Variants in ZNF208 observed in about 807,000 individuals in gnomAD.
The protein encoded by ZNF208 is zinc finger protein 208, also known as zinc finger protein 95.
ZNF208 carries 10 observed loss-of-function variants against 12.1 expected under a neutral mutation model. The ratio of observed to expected loss-of-function variants is 0.83; its 90% CI spans 0.51 to 1.40. ZNF208 has a LOEUF of 1.40. Ranked by LOEUF, ZNF208 falls within the 40% of genes most tolerant of loss-of-function variation. The pLI is 0.00. For missense variants in ZNF208, 1,652 were observed against 1,485.0 expected (o/e 1.11, Z -1.85); for synonymous variants, 497 against 488.4 (o/e 1.02, Z -0.23).
chr19:21,944,073 T>C (rs2145510043), intron 4 of ZNF208, among the ~76,000 whole-genome samples: 1 of 152,324 alleles, frequency 6.6e-6, no homozygotes, highest in South Asian at 2.1e-4. Flanking sequence ...ATGAATTTCA[T>C]TAAATGCTGT....
intron 4 of ZNF208, among the ~76,000 whole-genome samples, chr19:21,950,557 A>G (rs1387386105): frequency 6.6e-6 from 1 of 150,786 alleles, no homozygotes. Context: ...GCAACAGCAC[A>G]ATCGTGGCTC....
chr19:21,954,611 T>C (rs1372626638), intron 4 of ZNF208, among the ~76,000 whole-genome samples: 2 of 152,226 alleles, frequency 1.3e-5, no homozygotes, highest in African/African-American at 4.8e-5. Flanking sequence ...TCTCTTTTGA[T>C]CTTTGTTGGT....
intron 3 of ZNF208, among the ~76,000 whole-genome samples, chr19:21,979,240 G>A (rs1970490414): frequency 6.6e-6 from 1 of 152,096 alleles, no homozygotes; most frequent in African/African-American, 2.4e-5. Flanking sequence ...CCACAAAGAT[G>A]CTCCTCGAGA....
At chr19:21,956,690 C>T (rs1394095693) in intron 4 of ZNF208, among the ~76,000 whole-genome samples, 2 of 152,188 alleles carry the variant, frequency 1.3e-5, no homozygotes, top group African/African-American at 2.4e-5. Context: ...ATTGGAAAAG[C>T]ACAATGTTAG....
rs1231974192 is a variant in ZNF208 at position 21,969,611 on chromosome 19, T to G, written c.*1580A>C. 2.0e-5 allele frequency among the ~76,000 whole-genome samples: 3 copies of G among 152,188 alleles called. No individual in the cohort carries two copies. The highest frequency in any genetic ancestry group is 4.4e-5 in the Non-Finnish European group (3 of 68,036). On this transcript the variant is annotated 3_prime_UTR_variant, in exon 4 of 4. Coordinates refer to ENST00000397126, the MANE Select transcript of ZNF208 (RefSeq NM_007153.3). ...TTGAAAAAATGTTTTTCCAAATTTA[T>G]TAAATTTGCAGGGTTATTCTTCAAT... is the stretch of plus-strand genomic sequence containing the variant.
At chr19:22,010,109 C>T (rs903740147) in intron 1 of ZNF208, among the ~76,000 whole-genome samples, 1 of 150,968 alleles carries the variant, frequency 6.6e-6, no homozygotes, top group Non-Finnish European at 1.5e-5. Flanking sequence ...GGCGTCAACC[C>T]GGGAGGCGGA....
Position 22,005,179 on chromosome 19 carries a change from T to C in ZNF208, c.3+5613A>G, listed in dbSNP as rs918622814. On this transcript the variant is annotated intron_variant, in intron 1 of 3. Coordinates refer to ENST00000397126, the MANE Select transcript of ZNF208 (RefSeq NM_007153.3). ...CCAAAAAAACCACTAGGATCAAAAA[T>C]GCTGTGGTAAAATTCCTGAGGGTGG... is the stretch of plus-strand genomic sequence containing the variant. Among the ~76,000 whole-genome samples, 5 of 152,286 alleles carry C rather than the reference T, an allele frequency of 3.3e-5. No individual in the cohort carries two copies. The South Asian group carries it at 1.0e-3, about 32-fold the overall frequency.
Position 21,974,030 on chromosome 19 carries a change from TGAATTG to T in ZNF208, c.998_1003del (p.Ala333_His335delinsAsp). The T allele has an allele frequency of 7.3e-7, 1 of 1,368,384 alleles. No individual in the cohort carries two copies. The highest frequency in any genetic ancestry group is 1.6e-5 in the South Asian group (1 of 63,304). 84.8% of individuals were successfully genotyped at this position (1,368,384 alleles called of 1,614,324 possible). ...ACATTTGTAGGGCTTCTCTCCAGCA[TGAATTG>T]CCTTATGTGTAATAAGGGTTGAGAC... is the stretch of plus-strand genomic sequence containing the variant. On this transcript the variant is annotated inframe_deletion, in exon 4 of 4. Coordinates refer to ENST00000397126, the MANE Select transcript of ZNF208 (RefSeq NM_007153.3).
In ZNF208 at chr19:21,974,491, T is replaced by C. The variant is rs1240867187; in HGVS notation, c.543A>G (p.Ser181=). ...KHLQCKEYVR[S]FCMLSHLSQH... ...GAGATAGGTGTGAAAGCATGCAAAA[T>C]GATCTGACGTATTCTTTACATTGCA... The change falls in exon 4 of 4, where the codon TCA becomes TCG. Residue 181 remains serine (S), a synonymous_variant. Transcript: ENST00000397126. The C allele has an allele frequency of 8.7e-6, 14 of 1,613,714 alleles. No homozygotes were observed. The highest frequency in any genetic ancestry group is 1.1e-5 in the Non-Finnish European group (13 of 1,179,726).
At chr19:21,999,055 T>A (rs968466924) in intron 1 of ZNF208, among the ~76,000 whole-genome samples, 12 of 26,568 alleles carry the variant, frequency 4.5e-4, no homozygotes, top group East Asian at 3.9e-3. Context: ...ATAGCATAAT[T>A]TTATGCTATA....
Position 21,973,699 on chromosome 19 carries a change from T to A in ZNF208, c.1335A>T (p.Lys445Asn), listed in dbSNP as rs1356148011. ...TGTAGGGTGTCTCTCCAGTGTGAATTTTCTTATGTTCCATAAGGTTTGAGG... is the reference window on the plus strand; with the variant it reads ...TGTAGGGTGTCTCTCCAGTGTGAATATTCTTATGTTCCATAAGGTTTGAGG... Reference protein sequence around the residue: ...NWSSNLMEHKKIHTGETPYKC... With the variant: ...NWSSNLMEHKNIHTGETPYKC... Residue 445 changes from lysine to asparagine, a missense_variant, in exon 4 of 4, where the codon AAA becomes AAT. Physicochemically the swap from Lys to Asn is moderately conservative, Grantham distance 94. Around this residue, in one of 3 missense-constraint regions of ZNF208, gnomAD observed 1,239 missense variants for 1,086.2 expected, o/e 1.14. Transcript: ENST00000397126. 6.4e-7 allele frequency: 1 copy of A among 1,571,988 alleles called. No individual in the cohort carries two copies. Among genetic ancestry groups the A allele is most frequent in the South Asian group, 1.1e-5 (1 of 90,334 alleles).
intron 4 of ZNF208, among the ~76,000 whole-genome samples, chr19:21,949,485 G>A (rs938343920): frequency 2.6e-5 from 4 of 151,956 alleles, no homozygotes; most frequent in African/African-American, 7.3e-5. Flanking sequence ...ACTGGTTTTT[G>A]CAAACTCTGG....
At chr19:21,958,645 A>G (rs1970016092) in intron 4 of ZNF208, among the ~76,000 whole-genome samples, 1 of 152,156 alleles carries the variant, frequency 6.6e-6, no homozygotes, top group Non-Finnish European at 1.5e-5. Flanking sequence ...TTTCCCTAAA[A>G]ACTATCAAGC....
At chr19:22,010,417 A>G (rs1222258708) in intron 1 of ZNF208, among the ~76,000 whole-genome samples, 1 of 152,200 alleles carries the variant, frequency 6.6e-6, no homozygotes, top group African/African-American at 2.4e-5. Context: ...AGGAGAAAAC[A>G]GGAACTGGGA....
intron 4 of ZNF208, among the ~76,000 whole-genome samples, chr19:21,949,356 T>C (rs186995765): frequency 6.6e-5 from 10 of 152,290 alleles, no homozygotes; most frequent in Admixed American, 3.9e-4. Context: ...CTCAGCTCTG[T>C]CAAACTGCAG....
Position 21,971,305 on chromosome 19 carries a change from A to G in ZNF208, c.3729T>C (p.His1243=), listed in dbSNP as rs757124850. The G allele has an allele frequency of 2.5e-6, 4 of 1,611,378 alleles. No individual in the cohort carries two copies. The African/African-American group carries it at 5.4e-5, about 22-fold the overall frequency. Residue 1243 remains histidine, a synonymous_variant, in exon 4 of 4, where the codon CAT becomes CAC. Coordinates refer to ENST00000397126, the MANE Select transcript of ZNF208 (RefSeq NM_007153.3). ...AFSTFSILTK[H]KVIHTGEKPY... is the part of the protein sequence containing the mutation. ...GTTTCTCTCCAGTATGAATTACCTT[A>G]TGTTTAGTGAGGATTGAGAACGTAC...
At chr19:21,993,944 A>T (rs976907358) in intron 1 of ZNF208, among the ~76,000 whole-genome samples, 2 of 152,272 alleles carry the variant, frequency 1.3e-5, no homozygotes, top group African/African-American at 4.8e-5. Context: ...ATAGGAAGTT[A>T]CAGAGCACTG....
chr19:21,972,496 T>A lies in ZNF208; in HGVS notation c.2538A>T (p.Ser846=). 1 of 1,613,042 alleles carries A rather than the reference T, an allele frequency of 6.2e-7. No homozygotes were observed. Among genetic ancestry groups the A allele is most frequent in the Non-Finnish European group, 8.5e-7 (1 of 1,179,850 alleles). ...KECGKAFSKF[S]ILTKHKVIHT... ...GAATTACCTTATGTTTAGTAAGGAT[T>A]GAGAACTTACTAAAGGCTTTGCCAC... is the stretch of plus-strand genomic sequence containing the variant. Residue 846 remains serine, a synonymous_variant, in exon 4 of 4, where the codon TCA becomes TCT. Transcript: ENST00000397126.
At chr19:21,988,000 T>C (rs1970657032) in intron 2 of ZNF208, among the ~76,000 whole-genome samples, 1 of 152,136 alleles carries the variant, frequency 6.6e-6, no homozygotes, top group Non-Finnish European at 1.5e-5. Flanking sequence ...CTACAGGTGG[T>C]ATTGAAGCTG....
Sources: gnomAD v4.1 joint callset for allele counts (sites outside exome capture counted in the v4.1 genomes callset) on GRCh38, gnomAD v4.1.1 for gene constraint, gnomAD v4.1.1 regional missense constraint, MANE v1.5 for transcripts, NCBI Gene and HGNC (gene_info 2026-07-23, HGNC 2026-07-21) for gene names.